BRAF: variants seen among roughly 807,000 people sequenced by gnomAD.
BRAF encodes serine/threonine-protein kinase B-raf.
BRAF carries 16 observed loss-of-function variants against 104.6 expected under a neutral mutation model. That is an observed-to-expected ratio of 0.15 (90% confidence interval 0.10 to 0.23). The LOEUF is 0.23. Ranked by LOEUF, BRAF falls within the 10% of genes least tolerant of loss-of-function variation. BRAF has a pLI of 1.00. For missense variants in BRAF, 541 were observed against 937.3 expected, an observed-to-expected ratio of 0.58 and a Z score of 5.52; for synonymous variants, 310 against 341.6, an observed-to-expected ratio of 0.91 and a Z score of 1.02.
intron 3 of BRAF, among the ~76,000 whole-genome samples, chr7:140,819,964 C>T (rs1805301001): frequency 6.6e-6 from 1 of 152,024 alleles, no homozygotes; most frequent in Non-Finnish European, 1.5e-5. Flanking sequence ...AATTGTATGG[C>T]TTTTGAATTA....
chr7:140,776,544 C>T (rs1800354184), intron 14 of BRAF, among the ~76,000 whole-genome samples: 1 of 152,182 alleles, frequency 6.6e-6, no homozygotes, highest in African/African-American at 2.4e-5. Context: ...TACGGGCACT[C>T]AGAGAAACTG....
At chr7:140,881,168 A>G (rs1478387826) in intron 1 of BRAF, among the ~76,000 whole-genome samples, 1 of 152,192 alleles carries the variant, frequency 6.6e-6, no homozygotes, top group African/African-American at 2.4e-5. Flanking sequence ...TCCAGGCTTC[A>G]TTGTTCCATT....
chr7:140,771,783 G>C (rs1586100696), intron 14 of BRAF, among the ~76,000 whole-genome samples: 2 of 152,298 alleles, frequency 1.3e-5, no homozygotes, highest in South Asian at 4.1e-4. Context: ...CAGGGAAGAG[G>C]ATATAGACAT....
intron 1 of BRAF, among the ~76,000 whole-genome samples, chr7:140,916,656 T>C (rs1817666487): frequency 6.6e-6 from 1 of 152,222 alleles, no homozygotes; most frequent in Non-Finnish European, 1.5e-5. Flanking sequence ...TCCTTTCTTA[T>C]AAGGAAATTA....
chr7:140,849,181 T>C (rs1433094877), intron 2 of BRAF, among the ~76,000 whole-genome samples: 1 of 152,136 alleles, frequency 6.6e-6, no homozygotes, highest in Non-Finnish European at 1.5e-5. Flanking sequence ...ACCACCTAGA[T>C]TCTGTAACAC....
chr7:140,880,916 G>A (rs1189909755), intron 1 of BRAF, among the ~76,000 whole-genome samples: 1 of 152,034 alleles, frequency 6.6e-6, no homozygotes, highest in African/African-American at 2.4e-5. Flanking sequence ...GCTGCAGAGA[G>A]CTATGATCAC....
At chr7:140,748,912 A>C (rs956000424) in intron 17 of BRAF, 1 of 157,066 alleles carries the variant, frequency 6.4e-6, no homozygotes, top group African/African-American at 2.4e-5. Context: ...ATTTAATATA[A>C]AGATCTCATA....
chr7:140,744,155 A>G (rs1184565508), intron 17 of BRAF, among the ~76,000 whole-genome samples: 2 of 152,220 alleles, frequency 1.3e-5, no homozygotes, highest in Non-Finnish European at 2.9e-5. Context: ...TAACAATGTG[A>G]TTTATAGAGG....
intron 1 of BRAF, among the ~76,000 whole-genome samples, chr7:140,918,759 C>G (rs1444880267): frequency 2.0e-5 from 3 of 152,124 alleles, no homozygotes. Flanking sequence ...TATTTTAGTA[C>G]CTATGTGCCA....
chr7:140,864,351 C>T (rs1810716945), intron 1 of BRAF, among the ~76,000 whole-genome samples: 1 of 152,162 alleles, frequency 6.6e-6, no homozygotes, highest in Admixed American at 6.5e-5. Flanking sequence ...TTCTGAAATT[C>T]TGATGTGTGC....
chr7:140,831,142 C>T (rs539846358), intron 3 of BRAF, among the ~76,000 whole-genome samples: 1 of 152,218 alleles, frequency 6.6e-6, no homozygotes, highest in African/African-American at 2.4e-5. Context: ...AACTTAACAA[C>T]AATTGCAGAC....
At chr7:140,734,594 GT>G in intron 19 of BRAF, 1 of 1,613,542 alleles carries the variant, frequency 6.2e-7, no homozygotes, top group Admixed American at 1.7e-5. Flanking sequence ...TCACTCATTT[GT>G]TTCAGTGGAC....
At chr7:140,743,303 G>A (rs1246808794) in intron 17 of BRAF, among the ~76,000 whole-genome samples, 1 of 151,632 alleles carries the variant, frequency 6.6e-6, no homozygotes, top group East Asian at 1.9e-4. Context: ...ATTCACAATA[G>A]CAAAGACTTG....
intron 9 of BRAF, among the ~76,000 whole-genome samples, chr7:140,786,279 T>C (rs899145459): frequency 1.3e-5 from 2 of 152,330 alleles, no homozygotes; most frequent in Admixed American, 6.5e-5. Flanking sequence ...TTCATGGGTA[T>C]ACAGAAACAT....
At chr7:140,919,407 G>A (rs10245975) in intron 1 of BRAF, among the ~76,000 whole-genome samples, 4,296 of 151,972 alleles carry the variant, frequency 0.028, 211 homozygotes, top group African/African-American at 0.096. Flanking sequence ...AAGTTACTGG[G>A]CATTGAGTTC....
chr7:140,803,134 T>C lies in BRAF; in HGVS notation c.712-1574A>G, dbSNP rs1368751835. 5.3e-5 allele frequency among the ~76,000 whole-genome samples: 8 copies of C among 152,250 alleles called. 1 individual carries two copies. The highest frequency in any genetic ancestry group is 9.6e-5 in the African/African-American group (4 of 41,472). ...CAATAGGCTCTACCATATAGCCTAG[T>C]TGTATAGTTAGGCTATACCATGTAG... On this transcript the variant is annotated intron_variant, in intron 5 of 19. Coordinates refer to ENST00000644969, the MANE Select transcript of BRAF (RefSeq NM_001374258.1).
At chr7:140,800,686 A>T (rs1803007134) in intron 6 of BRAF, among the ~76,000 whole-genome samples, 1 of 152,226 alleles carries the variant, frequency 6.6e-6, no homozygotes, top group Admixed American at 6.5e-5. Flanking sequence ...CTTAAAACTA[A>T]TCATTCAGTT....
chr7:140,821,891 A>C (rs890613256), intron 3 of BRAF, among the ~76,000 whole-genome samples: 3 of 152,194 alleles, frequency 2.0e-5, no homozygotes, highest in Non-Finnish European at 4.4e-5. Flanking sequence ...TGCAGCTGGA[A>C]GCCATTATCC....
intron 11 of BRAF, 140 bp from the exon 11 acceptor site, chr7:140,781,833 G>C (rs1224439950): frequency 1.4e-6 from 1 of 705,866 alleles, no homozygotes; most frequent in Non-Finnish European, 2.5e-6. Context: ...AAGAATAGTA[G>C]TTAAAAGTAT....
Sources: allele counts gnomAD v4.1 joint callset (sites outside exome capture counted in the v4.1 genomes callset), GRCh38; gene constraint gnomAD v4.1.1; transcripts MANE v1.5; gene names NCBI Gene and HGNC (gene_info 2026-07-23, HGNC 2026-07-21).